RIC8B: variants seen among roughly 807,000 people sequenced by gnomAD.
The protein encoded by RIC8B is RIC8 guanine nucleotide exchange factor B, also known as chaperone Ric-8B.
RIC8B carries 16 observed loss-of-function variants against 57.5 expected under a neutral mutation model. That is an observed-to-expected ratio of 0.28 (90% CI 0.19 to 0.42). The LOEUF (loss-of-function observed/expected upper bound fraction) is 0.42. RIC8B is among the 10% of genes least tolerant of loss of function. The pLI is 1.00. For synonymous variants in RIC8B, 216 were observed against 250.8 expected (o/e 0.86, Z 1.31); for missense variants, 481 against 677.0 (o/e 0.71, Z 3.21).
At chr12:106,811,868 A>T (rs1231061091) in intron 2 of RIC8B, among the ~76,000 whole-genome samples, 2 of 152,210 alleles carry the variant, frequency 1.3e-5, no homozygotes, top group Non-Finnish European at 2.9e-5. Context: ...AGGGCAAAAT[A>T]AAGGGGAAAT....
chr12:106,862,708 C>T (rs1402464032), intron 8 of RIC8B, among the ~76,000 whole-genome samples: 6 of 152,108 alleles, frequency 3.9e-5, no homozygotes, highest in Admixed American at 3.3e-4. Context: ...CCAGTTGGCT[C>T]TAGTCCCATT....
At chr12:106,849,269 T>A (rs1258974352) in intron 6 of RIC8B, among the ~76,000 whole-genome samples, 12 of 150,556 alleles carry the variant, frequency 8.0e-5, no homozygotes, top group Middle Eastern at 3.4e-3. Context: ...ATTAAAAAAA[T>A]TTTTTTCTTT....
chr12:106,800,989 AAATGAG>A (rs1487709974), intron 2 of RIC8B, among the ~76,000 whole-genome samples: 1 of 152,234 alleles, frequency 6.6e-6, no homozygotes, highest in Non-Finnish European at 1.5e-5. Flanking sequence ...CCTAAAGATT[AAATGAG>A]TATTGTTCTC....
intron 7 of RIC8B, among the ~76,000 whole-genome samples, chr12:106,855,635 C>G (rs1949686190): frequency 6.6e-6 from 1 of 152,186 alleles, no homozygotes; most frequent in Non-Finnish European, 1.5e-5. Flanking sequence ...CCACACACTC[C>G]TAGATGTCCT....
At chr12:106,856,637 T>C (rs1330403702) in intron 7 of RIC8B, among the ~76,000 whole-genome samples, 2 of 152,198 alleles carry the variant, frequency 1.3e-5, no homozygotes, top group Non-Finnish European at 2.9e-5. Context: ...TCCTTCTCTG[T>C]TGTTAATACT....
rs543542423 is a variant in RIC8B at position 106,880,032 on chromosome 12, T to C, written c.1572-5872T>C. On this transcript the variant is annotated intron_variant, in intron 9 of 9. Transcript: ENST00000392837. ...ACAGTATCTCCGTTTTACCATGATA[T>C]ACATGTATCTGACACATAGCCATCC... The C allele has an allele frequency of 1.3e-5, 11 of 824,078 alleles. No individual in the cohort carries two copies. The South Asian group carries it at 4.5e-4, about 34-fold the overall frequency. The allele number at this position is 824,078 out of a possible 1,614,324, so 51.0% of individuals were successfully genotyped here. A position where few individuals can be genotyped will look rare whatever the true frequency, so the allele number is the denominator to read the frequency against.
At chr12:106,834,403 T>C (rs895231242) in intron 4 of RIC8B, among the ~76,000 whole-genome samples, 10 of 152,214 alleles carry the variant, frequency 6.6e-5, no homozygotes, top group African/African-American at 2.4e-4. Flanking sequence ...GGATATAATA[T>C]ATAAACCCAG....
intron 2 of RIC8B, among the ~76,000 whole-genome samples, chr12:106,790,420 G>A (rs1405524575): frequency 6.6e-6 from 1 of 152,222 alleles, no homozygotes; most frequent in African/African-American, 2.4e-5. Flanking sequence ...GCTAATGTTT[G>A]TGCATATAAT....
chr12:106,777,632 A>G (rs1476520861), intron 1 of RIC8B, among the ~76,000 whole-genome samples: 1 of 152,150 alleles, frequency 6.6e-6, no homozygotes, highest in Non-Finnish European at 1.5e-5. Flanking sequence ...TGTAGTAGAA[A>G]GGTGGTGGGA....
At chr12:106,840,900 AATC>A (rs1238429903) in intron 4 of RIC8B, among the ~76,000 whole-genome samples, 1 of 152,144 alleles carries the variant, frequency 6.6e-6, no homozygotes, top group Non-Finnish European at 1.5e-5. Context: ...TTAGGGAAAA[AATC>A]ATAACATTTC....
At chr12:106,859,601 GAA>G (rs1949846123) in intron 7 of RIC8B, among the ~76,000 whole-genome samples, 1 of 152,070 alleles carries the variant, frequency 6.6e-6, no homozygotes, top group Non-Finnish European at 1.5e-5. Flanking sequence ...CTACAGATTA[GAA>G]AACTAGGATA....
At chr12:106,799,368 T>TA (rs1450556962) in intron 2 of RIC8B, among the ~76,000 whole-genome samples, 1 of 152,232 alleles carries the variant, frequency 6.6e-6, no homozygotes, top group Non-Finnish European at 1.5e-5. Context: ...AGGTTTCTAA[T>TA]ATATCATCTC....
In RIC8B at chr12:106,828,568, C is replaced by G. The variant is rs146359190; in HGVS notation, c.836+2748C>G. On this transcript the variant is annotated intron_variant, in intron 4 of 9. Coordinates refer to ENST00000392837, the MANE Select transcript of RIC8B (RefSeq NM_001330145.2). ...TAATGAAATAGGTAACCCTGGGTAGCACAGTGTATGGTTGTGCGTTATCAT... is the reference window on the plus strand; with the variant it reads ...TAATGAAATAGGTAACCCTGGGTAGGACAGTGTATGGTTGTGCGTTATCAT... Among the ~76,000 whole-genome samples the G allele has an allele frequency of 8.3e-4, 126 of 152,162 alleles. 2 individuals carry two copies. Among genetic ancestry groups the G allele is most frequent in the Admixed American group, 3.3e-3 (51 of 15,278 alleles).
chr12:106,816,158 C>G (rs561171260), intron 3 of RIC8B, among the ~76,000 whole-genome samples: 1 of 148,198 alleles, frequency 6.7e-6, no homozygotes, highest in African/African-American at 2.5e-5. Context: ...GAAATTCACC[C>G]CCTCCTGTAA....
intron 3 of RIC8B, chr12:106,822,834 A>T (rs1423169257): frequency 2.0e-5 from 3 of 152,640 alleles, no homozygotes; most frequent in Non-Finnish European, 4.4e-5. Context: ...AGTGTGAATG[A>T]ATCTCACAAG....
At chr12:106,794,617 A>T (rs2044397320) in intron 2 of RIC8B, among the ~76,000 whole-genome samples, 1 of 152,216 alleles carries the variant, frequency 6.6e-6, no homozygotes, top group Admixed American at 6.5e-5. Flanking sequence ...TCAGTGGGAT[A>T]ACATATTGGA....
At chr12:106,798,578 C>T (rs1007498359) in intron 2 of RIC8B, among the ~76,000 whole-genome samples, 1 of 151,960 alleles carries the variant, frequency 6.6e-6, no homozygotes, top group African/African-American at 2.4e-5. Flanking sequence ...TGACTGAATA[C>T]TTTCGGTAAT....
chr12:106,831,347 A>T (rs1056129638), intron 4 of RIC8B, among the ~76,000 whole-genome samples: 12 of 152,222 alleles, frequency 7.9e-5, no homozygotes, highest in African/African-American at 2.2e-4. Context: ...GAGAAAAAAA[A>T]TTTTTTTAAT....
intron 1 of RIC8B, among the ~76,000 whole-genome samples, chr12:106,779,843 T>G (rs2043671791): frequency 6.6e-6 from 1 of 150,380 alleles, no homozygotes; most frequent in Non-Finnish European, 1.5e-5. Context: ...CTGTTCAAGC[T>G]CTTGCTCCCC....
Sources: gnomAD v4.1 joint callset for allele counts (sites outside exome capture counted in the v4.1 genomes callset) on GRCh38, gnomAD v4.1.1 for gene constraint, MANE v1.5 for transcripts, NCBI Gene and HGNC (gene_info 2026-07-23, HGNC 2026-07-21) for gene names.